SESN2: variants seen among roughly 807,000 people sequenced by gnomAD.
SESN2 encodes sestrin 2.
SESN2 carries 42 observed loss-of-function variants against 56.0 expected under a neutral mutation model. That is an observed-to-expected ratio of 0.75 (90% confidence interval 0.59 to 0.97). The LOEUF (loss-of-function observed/expected upper bound fraction) is 0.97, where lower values mean the gene tolerates loss of function less well. Ranked by LOEUF, SESN2 falls within the 50% of genes least tolerant of loss-of-function variation. SESN2 has a pLI of 0.00. For synonymous variants in SESN2, 264 were observed against 267.1 expected (o/e 0.99, Z 0.11); for missense variants, 507 against 649.4 (o/e 0.78, Z 2.38).
At chr1:28,264,060 AT>A (rs1412213898) in intron 1 of SESN2, among the ~76,000 whole-genome samples, 2 of 145,402 alleles carry the variant, frequency 1.4e-5, no homozygotes, top group East Asian at 4.1e-4. Context: ...CCTCATCTCT[AT>A]TTAAAAAAAA....
chr1:28,279,249 C>T lies in SESN2; in HGVS notation c.1356+8C>T, dbSNP rs1443471482. 28 of 1,613,852 alleles carry T rather than the reference C, an allele frequency of 1.7e-5. No individual in the cohort carries two copies. The highest frequency in any genetic ancestry group is 2.3e-5 in the Non-Finnish European group (27 of 1,180,006). On this transcript the variant is annotated splice_region_variant and intron_variant, in intron 9 of 9. Coordinates refer to ENST00000253063, the MANE Select transcript of SESN2 (RefSeq NM_031459.5). The stretch of plus-strand genomic sequence containing the variant: ...TTCCGCCACTCAGAGAAGGTATGAC[C>T]TATACAGGCAGGGCAGGATGGAAGT...
At position 28,274,827 on chromosome 1, in the gene SESN2, T is replaced by C. The variant is rs1324038876; in HGVS notation, c.1023T>C (p.Asp341=). The change falls in exon 8 of 10, where the codon GAT becomes GAC. Residue 341 remains aspartate (D), a splice_region_variant and synonymous_variant. Transcript: ENST00000253063. ...AQAPPTFRAQ[D]YTWEDHGYSL... is the part of the protein sequence containing the mutation. ...CAATCCCTTCCCACCTACCTAAGGATTATACCTGGGAAGACCATGGCTACT... is the reference window on the plus strand; with the variant it reads ...CAATCCCTTCCCACCTACCTAAGGACTATACCTGGGAAGACCATGGCTACT... 2 of 1,611,510 alleles carry C rather than the reference T, an allele frequency of 1.2e-6. No individual in the cohort carries two copies. The highest frequency in any genetic ancestry group is 1.7e-6 in the Non-Finnish European group (2 of 1,178,282).
At position 28,275,014 on chromosome 1, in the gene SESN2, A is replaced by C; in HGVS notation, c.1210A>C (p.Arg404=). The stretch of plus-strand genomic sequence containing the variant: ...CTATATCCACTGCGTCTTTGGCATC[A>C]GGTGAGCTCATATCCCTTCATTTGG... ...WNYIHCVFGI[R]YDDYDYGEVN... Residue 404 remains arginine (R), a splice_region_variant and synonymous_variant, in exon 8 of 10, where the codon AGA becomes CGA. Coordinates refer to ENST00000253063, the MANE Select transcript of SESN2 (RefSeq NM_031459.5). 3 of 1,610,982 alleles carry C rather than the reference A, an allele frequency of 1.9e-6. No homozygotes were observed. The highest frequency in any genetic ancestry group is 8.5e-7 in the Non-Finnish European group (1 of 1,177,546).
At chr1:28,278,369 C>G (rs540941097) in intron 8 of SESN2, among the ~76,000 whole-genome samples, 1 of 152,122 alleles carries the variant, frequency 6.6e-6, no homozygotes, top group African/African-American at 2.4e-5. Flanking sequence ...GAGTTCGAGA[C>G]CAGCCTGACC....
Position 28,259,886 on chromosome 1 carries a change from G to A in SESN2, c.39G>A (p.Lys13=), listed in dbSNP as rs12567493. 1.1e-3 allele frequency: 1,586 copies of A among 1,448,632 alleles called. 16 individuals are homozygous for A. In the East Asian group the frequency reaches 0.035, roughly 32 times the overall value. 89.7% of individuals were successfully genotyped at this position (1,448,632 alleles called of 1,614,324 possible). Residue 13 remains lysine (K), a synonymous_variant, in exon 1 of 10, where the codon AAG becomes AAA. Transcript: ENST00000253063. The part of the protein sequence containing the change: ...VADSECRAEL[K]DYLRFAPGGV... ...ACTCCGAGTGCCGCGCAGAGCTCAA[G>A]GACTACCTGCGGTTCGCCCCGGGCG...
intron 1 of SESN2, among the ~76,000 whole-genome samples, chr1:28,265,024 G>C (rs1318028670): frequency 2.0e-5 from 3 of 152,196 alleles, no homozygotes; most frequent in Non-Finnish European, 2.9e-5. Context: ...CTGCCTTCCT[G>C]CCTGAGTAGC....
chr1:28,267,476 G>A (rs1481911390), intron 1 of SESN2, among the ~76,000 whole-genome samples: 1 of 152,148 alleles, frequency 6.6e-6, no homozygotes, highest in Non-Finnish European at 1.5e-5. Context: ...TTGGCCATCT[G>A]AGAAGGAAGG....
Position 28,272,788 on chromosome 1 carries a change from T to G in SESN2, c.745T>G (p.Ser249Ala). The G allele has an allele frequency of 1.3e-6, 2 of 1,584,728 alleles. No homozygotes were observed. Among genetic ancestry groups the G allele is most frequent in the Non-Finnish European group, 1.7e-6 (2 of 1,160,132 alleles). The change falls in exon 5 of 10, where the codon TCT (serine) becomes GCT (alanine). Residue 249 changes from serine to alanine, a missense_variant. Transcript: ENST00000253063. ...CCCAAGCAGGGACCCGTTGAACAAC[T>G]CTGGGGTAAGTCACGGGCCTGGGTC... Reference protein sequence around the residue: ...SPPSRDPLNNSGGFESARDVE... With the variant: ...SPPSRDPLNNAGGFESARDVE...
At chr1:28,275,055 T>G in intron 8 of SESN2, 40 bp downstream of exon 8, 1 of 1,441,530 alleles carries the variant, frequency 6.9e-7, no homozygotes, top group African/African-American at 1.4e-5. Context: ...GTGTGCACTG[T>G]AAGTCTTCAC....
Position 28,271,167 on chromosome 1 carries a change from T to G in SESN2, c.157-507T>G, listed in dbSNP as rs151121182. On this transcript the variant is annotated intron_variant, in intron 2 of 9. Coordinates refer to ENST00000253063, the MANE Select transcript of SESN2 (RefSeq NM_031459.5). ...AGTGGGGGAAATAATAGTATTCACC[T>G]CACAGGCTTATTGGCTAGATCCCAT... Among the ~76,000 whole-genome samples the G allele has an allele frequency of 2.2e-3, 329 of 152,322 alleles. 1 individual carries two copies. The highest frequency in any genetic ancestry group is 7.5e-3 in the African/African-American group (312 of 41,572).
In SESN2 at chr1:28,270,858, C is replaced by T. The variant is rs182590156; in HGVS notation, c.157-816C>T. Among the ~76,000 whole-genome samples, 896 of 152,184 alleles carry T rather than the reference C, an allele frequency of 5.9e-3. 4 individuals carry two copies. Among genetic ancestry groups the T allele is most frequent in the Non-Finnish European group, 8.0e-3 (544 of 68,000 alleles). ...TGCTGGGATTACAGATGTGAGCCAC[C>T]GTGCCCAGCCCACTCTTTTATAATA... On this transcript the variant is annotated intron_variant, in intron 2 of 9. Coordinates refer to ENST00000253063, the MANE Select transcript of SESN2 (RefSeq NM_031459.5).
chr1:28,277,897 T>C (rs1481009865), intron 8 of SESN2, among the ~76,000 whole-genome samples: 1 of 152,176 alleles, frequency 6.6e-6, no homozygotes, highest in Non-Finnish European at 1.5e-5. Context: ...GTTGGGCTGG[T>C]TTCCGCCCAG....
chr1:28,273,515 G>A lies in SESN2; in HGVS notation c.901+7G>A. 6.3e-7 allele frequency: 1 copy of A among 1,582,726 alleles called. No homozygotes were observed. The highest frequency in any genetic ancestry group is 8.6e-7 in the Non-Finnish European group (1 of 1,165,336). On this transcript the variant is annotated splice_region_variant and intron_variant, in intron 6 of 9. Transcript: ENST00000253063. ...CTGCTGGTGACCCCCTCAGGTACAGGGTCACAGGCATCCAGGCTCCCGTGG... is the reference window on the plus strand; with the variant it reads ...CTGCTGGTGACCCCCTCAGGTACAGAGTCACAGGCATCCAGGCTCCCGTGG...
chr1:28,262,332 G>T (rs565876793), intron 1 of SESN2, among the ~76,000 whole-genome samples: 1 of 152,196 alleles, frequency 6.6e-6, no homozygotes, highest in South Asian at 2.1e-4. Flanking sequence ...TCTAGTACTG[G>T]TAGTATTGGG....
chr1:28,262,809 T>C (rs767631716), intron 1 of SESN2, among the ~76,000 whole-genome samples: 5 of 150,386 alleles, frequency 3.3e-5, no homozygotes, highest in African/African-American at 4.9e-5. Flanking sequence ...ACGCCTGTAC[T>C]CCCAGCTACT....
intron 8 of SESN2, among the ~76,000 whole-genome samples, chr1:28,276,362 C>G (rs902091416): frequency 2.0e-5 from 3 of 151,510 alleles, no homozygotes; most frequent in African/African-American, 7.3e-5. Context: ...GCCTATAGTC[C>G]CAGGTATTCT....
At chr1:28,269,588 G>A (rs1316529290) in intron 2 of SESN2, among the ~76,000 whole-genome samples, 3 of 151,362 alleles carry the variant, frequency 2.0e-5, no homozygotes, top group Admixed American at 6.6e-5. Flanking sequence ...TATATTACAC[G>A]CTCTTTTCTG....
At chr1:28,265,215 G>T (rs1647515588) in intron 1 of SESN2, among the ~76,000 whole-genome samples, 1 of 152,198 alleles carries the variant, frequency 6.6e-6, no homozygotes, top group Non-Finnish European at 1.5e-5. Flanking sequence ...GGCAGGGAGG[G>T]CTGACTTGGA....
At chr1:28,262,361 G>A (rs1026039740) in intron 1 of SESN2, among the ~76,000 whole-genome samples, 8 of 152,062 alleles carry the variant, frequency 5.3e-5, no homozygotes, top group East Asian at 1.9e-4. Flanking sequence ...TAACTTTCTC[G>A]GCCAGATGCA....
Sources: gnomAD v4.1 joint callset for allele counts (sites outside exome capture counted in the v4.1 genomes callset) on GRCh38, gnomAD v4.1.1 for gene constraint, MANE v1.5 for transcripts, NCBI Gene and HGNC (gene_info 2026-07-23, HGNC 2026-07-21) for gene names.